SLAIN2: variants seen among roughly 807,000 people sequenced by gnomAD.
SLAIN2 encodes the protein SLAIN motif-containing protein 2.
SLAIN2 carries 31 observed loss-of-function variants against 56.6 expected under a neutral mutation model. The ratio of observed to expected loss-of-function variants is 0.55; its 90% CI spans 0.41 to 0.74. SLAIN2 has a LOEUF of 0.74. Ranked by LOEUF, SLAIN2 falls within the 30% of genes least tolerant of loss-of-function variation. SLAIN2 has a pLI of 0.00. For synonymous variants in SLAIN2, 317 were observed against 284.9 expected (o/e 1.11, Z -1.13); for missense variants, 777 against 754.2 (o/e 1.03, Z -0.35).
At chr4:48,383,500 T>G in intron 5 of SLAIN2, 147 bp from the exon 6 acceptor site, 1 of 768,198 alleles carries the variant, frequency 1.3e-6, no homozygotes, top group East Asian at 2.9e-5. Context: ...GTTGTTTGTT[T>G]TTTTTAATAA....
chr4:48,418,370 G>T (rs1357346881), intron 6 of SLAIN2, among the ~76,000 whole-genome samples: 1 of 151,972 alleles, frequency 6.6e-6, no homozygotes. Flanking sequence ...TTTCATGACT[G>T]TGTTGAATTT....
Position 48,408,967 on chromosome 4 carries a change from G to A in SLAIN2, c.1361-11158G>A, listed in dbSNP as rs553827946. Among the ~76,000 whole-genome samples the A allele has an allele frequency of 3.3e-5, 5 of 152,192 alleles. No homozygotes were observed. In the South Asian group the frequency reaches 6.2e-4, roughly 19 times the overall value. On this transcript the variant is annotated intron_variant, in intron 6 of 7. Transcript: ENST00000264313. ...AGATATGTTTGGATATGCAAATGCC[G>A]TTGTGTTACAATTGCCTACAGTATT...
intron 1 of SLAIN2, among the ~76,000 whole-genome samples, chr4:48,363,747 T>A (rs1410484420): frequency 4.6e-5 from 4 of 87,140 alleles, no homozygotes; most frequent in Non-Finnish European, 5.6e-5. Context: ...GGCGGGGGGC[T>A]GACCCCCCCC....
At chr4:48,364,205 G>C (rs11505059) in intron 1 of SLAIN2, among the ~76,000 whole-genome samples, 12 of 68,974 alleles carry the variant, frequency 1.7e-4, no homozygotes, top group African/African-American at 5.7e-4. Context: ...ACGGGGTCTC[G>C]GCCGGGCAGA....
At chr4:48,383,896 CCATAGCTATAGTAAAATTTAG>C (rs1180299050) in intron 6 of SLAIN2, 112 bp downstream of exon 6, 19 of 1,156,516 alleles carry the variant, frequency 1.6e-5, no homozygotes, top group Non-Finnish European at 2.3e-5. Flanking sequence ...CCGTTTTAAA[CCATAGCTATAGTAAAATTTAG>C]TGTTTATTAG....
Position 48,341,851 on chromosome 4 carries a change from G to C in SLAIN2, c.112G>C (p.Val38Leu). The C allele has an allele frequency of 6.6e-7, 1 of 1,522,578 alleles. No individual in the cohort carries two copies. 94.3% of individuals were successfully genotyped at this position (1,522,578 alleles called of 1,614,324 possible). A position where few individuals can be genotyped will look rare whatever the true frequency, so the allele number is the denominator to read the frequency against. Residue 38 changes from valine (V) to leucine (L), a missense_variant, in exon 1 of 8, where the codon GTG (valine) becomes CTG (leucine). Transcript: ENST00000264313. The stretch of plus-strand genomic sequence containing the variant: ...ACAGCTGAGGAGCCGCTCGGGGGCC[G>C]TGCAGGGCGCCGGCTCCCTTGGGCC... ...NEQLRSRSGA[V>L]QGAGSLGPGS...
chr4:48,362,917 A>G (rs10222792), intron 1 of SLAIN2, among the ~76,000 whole-genome samples: 1 of 88,080 alleles, frequency 1.1e-5, no homozygotes, highest in South Asian at 4.6e-4. Flanking sequence ...GGCCTTCCGC[A>G]GTGTTTGTGT....
chr4:48,375,336 A>G (rs1450778854), intron 2 of SLAIN2, among the ~76,000 whole-genome samples: 1 of 152,144 alleles, frequency 6.6e-6, no homozygotes. Context: ...AATATGTACA[A>G]AACTACATGG....
Position 48,400,031 on chromosome 4 carries a change from A to G in SLAIN2, c.1360+16247A>G, listed in dbSNP as rs540023407. On this transcript the variant is annotated intron_variant, in intron 6 of 7. Coordinates refer to ENST00000264313, the MANE Select transcript of SLAIN2 (RefSeq NM_020846.2). ...GCTGGCCTCATAAAATGAGTTAGAG[A>G]GGAGTCTCTCCTTTTCAATTGTTTG... Among the ~76,000 whole-genome samples the G allele has an allele frequency of 8.5e-5, 13 of 152,260 alleles. 1 individual carries two copies. In the South Asian group the frequency reaches 2.5e-3, roughly 29 times the overall value.
chr4:48,356,598 A>G (rs1041283241), intron 1 of SLAIN2, among the ~76,000 whole-genome samples: 1 of 152,176 alleles, frequency 6.6e-6, no homozygotes, highest in Admixed American at 6.5e-5. Context: ...CTTCTCTCAA[A>G]AAGAAGCAAC....
chr4:48,368,341 A>G (rs879457145), intron 1 of SLAIN2, among the ~76,000 whole-genome samples: 11 of 152,146 alleles, frequency 7.2e-5, no homozygotes, highest in African/African-American at 2.7e-4. Flanking sequence ...GATTACAGGC[A>G]TAAGCCACTG....
At chr4:48,398,976 G>C (rs58038882) in intron 6 of SLAIN2, among the ~76,000 whole-genome samples, 7,938 of 152,078 alleles carry the variant, frequency 0.052, 323 homozygotes, top group African/African-American at 0.11. Flanking sequence ...TTGGCTATTG[G>C]GGCTCTTTTT....
At chr4:48,419,235 T>C (rs1160115249) in intron 6 of SLAIN2, among the ~76,000 whole-genome samples, 3 of 151,928 alleles carry the variant, frequency 2.0e-5, no homozygotes, top group African/African-American at 7.3e-5. Context: ...CCCAAGTAGC[T>C]GGGACTACAA....
intron 1 of SLAIN2, among the ~76,000 whole-genome samples, chr4:48,364,085 AGCT>A: frequency 1.6e-5 from 1 of 62,716 alleles, no homozygotes; most frequent in Non-Finnish European, 3.5e-5. Flanking sequence ...CAGACGGGGC[AGCT>A]GCCGGGCGGA....
Position 48,341,681 on chromosome 4 carries a change from T to C in SLAIN2, c.-59T>C. The C allele has an allele frequency of 6.6e-7, 1 of 1,507,978 alleles. No homozygotes were observed. The highest frequency in any genetic ancestry group is 8.9e-7 in the Non-Finnish European group (1 of 1,127,646). 93.4% of individuals were successfully genotyped at this position (1,507,978 alleles called of 1,614,324 possible). Reference sequence around the variant, plus strand: ...CGGCGACGCCTCTTTCCTCCGTCTCTTTCCCTGTCGCTGCGAGAGCGAGCG... The same window carrying C: ...CGGCGACGCCTCTTTCCTCCGTCTCCTTCCCTGTCGCTGCGAGAGCGAGCG... On this transcript the variant is annotated 5_prime_UTR_variant, in exon 1 of 8. Coordinates refer to ENST00000264313, the MANE Select transcript of SLAIN2 (RefSeq NM_020846.2).
chr4:48,389,342 TGA>T (rs879751488), intron 6 of SLAIN2, among the ~76,000 whole-genome samples: 1 of 152,206 alleles, frequency 6.6e-6, no homozygotes, highest in Non-Finnish European at 1.5e-5. Context: ...CGTTCAAGTT[TGA>T]GAACCAGTGG....
chr4:48,420,596 A>G (rs1717122242), intron 7 of SLAIN2, 153 bp downstream of exon 7: 2 of 888,610 alleles, frequency 2.3e-6, no homozygotes, highest in African/African-American at 1.7e-5. Context: ...ACTTTACTAC[A>G]TTGTTTTTAA....
At chr4:48,373,861 A>G (rs546043949) in intron 2 of SLAIN2, among the ~76,000 whole-genome samples, 18 of 152,044 alleles carry the variant, frequency 1.2e-4, no homozygotes, top group Admixed American at 2.6e-4. Flanking sequence ...ACCAACATGG[A>G]GAAACCCTGT....
At chr4:48,379,627 G>A in intron 3 of SLAIN2, 63 bp from the exon 4 acceptor site, 4 of 1,239,062 alleles carry the variant, frequency 3.2e-6, no homozygotes, top group Non-Finnish European at 4.2e-6. Flanking sequence ...GTTAGTTGCA[G>A]TAGGCATTTA....
Sources: gnomAD v4.1 joint callset for allele counts (sites outside exome capture counted in the v4.1 genomes callset) on GRCh38, gnomAD v4.1.1 for gene constraint, MANE v1.5 for transcripts, NCBI Gene and HGNC (gene_info 2026-07-23, HGNC 2026-07-21) for gene names.